The following GALNT17 variants were observed in gnomAD, a reference collection of about 807,000 sequenced individuals.
The protein encoded by GALNT17 is UDP-GalNAc:polypeptide N-acetylgalactosaminyltransferase-like 3.
Under a neutral mutation model 63.7 loss-of-function variants are expected in GALNT17, and 29 were observed. The ratio of observed to expected loss-of-function variants is 0.46; its 90% CI spans 0.34 to 0.62. The LOEUF (loss-of-function observed/expected upper bound fraction) is 0.62, where lower values mean the gene tolerates loss of function less well. Among genes scored for constraint, GALNT17 ranks in the 20% least tolerant of loss-of-function variants. The pLI is 0.01. For missense variants in GALNT17, 603 were observed against 799.6 expected (o/e 0.75, Z 2.97); for synonymous variants, 305 against 318.3 (o/e 0.96, Z 0.45).
chr7:71,660,691 C>G (rs1473396095), intron 6 of GALNT17, among the ~76,000 whole-genome samples: 5 of 152,246 alleles, frequency 3.3e-5, no homozygotes, highest in South Asian at 2.1e-4. Context: ...TGGAATATCA[C>G]TCCTTCCGGG....
rs1202642 is a variant in GALNT17 at position 71,236,439 on chromosome 7, G to A, written c.239-99111G>A. On this transcript the variant is annotated intron_variant, in intron 1 of 10. Coordinates refer to ENST00000333538, the MANE Select transcript of GALNT17 (RefSeq NM_022479.3). ...TGTCCTCACAGCCTCACTGTTGGAC[G>A]GGCCTAGTCTCCTGCTTAGGGCGTT... Among the ~76,000 whole-genome samples the A allele has an allele frequency of 6.9e-3, 1,045 of 152,280 alleles. 7 individuals carry two copies. Among genetic ancestry groups the A allele is most frequent in the African/African-American group, 0.023 (969 of 41,568 alleles).
At chr7:71,376,726 A>G (rs900371009) in intron 2 of GALNT17, among the ~76,000 whole-genome samples, 12 of 151,692 alleles carry the variant, frequency 7.9e-5, no homozygotes, top group African/African-American at 2.7e-4. Flanking sequence ...CCCAGGCAAG[A>G]GGATTGATTG....
intron 4 of GALNT17, 132 bp downstream of exon 4, chr7:71,416,195 G>A: frequency 9.1e-7 from 1 of 1,099,452 alleles, no homozygotes; most frequent in East Asian, 2.7e-5. Context: ...ACTCGTCAAA[G>A]AAGAAAGTGA....
chr7:71,207,325 T>C (rs76083666), intron 1 of GALNT17, among the ~76,000 whole-genome samples: 6,474 of 152,296 alleles, frequency 0.043, 151 homozygotes, highest in Middle Eastern at 0.071. Context: ...TCCTACCTTA[T>C]CTTTGGTTTT....
At chr7:71,679,152 T>G (rs1212065441) in intron 9 of GALNT17, among the ~76,000 whole-genome samples, 2 of 151,934 alleles carry the variant, frequency 1.3e-5, no homozygotes, top group Non-Finnish European at 2.9e-5. Flanking sequence ...AGCTACAGAA[T>G]CTAATGCAGG....
rs548981123 is a variant in GALNT17 at position 71,565,957 on chromosome 7, C to T, written c.963-5328C>T. On this transcript the variant is annotated intron_variant, in intron 5 of 10. Coordinates refer to ENST00000333538, the MANE Select transcript of GALNT17 (RefSeq NM_022479.3). ...CTCCTGGGTTCAAGCGATTCTCTTG[C>T]CTCAGCCTCCCGAGTAGCTAGGATT... 1.2e-3 allele frequency among the ~76,000 whole-genome samples: 186 copies of T among 151,626 alleles called. 1 individual carries two copies. The highest frequency in any genetic ancestry group is 2.3e-3 in the Non-Finnish European group (153 of 67,968).
chr7:71,265,742 G>C (rs1202436606), intron 1 of GALNT17, among the ~76,000 whole-genome samples: 1 of 152,188 alleles, frequency 6.6e-6, no homozygotes, highest in Non-Finnish European at 1.5e-5. Context: ...TCCATGGGTG[G>C]AGGCGTGGTG....
chr7:71,183,184 C>T (rs1050723549), intron 1 of GALNT17, among the ~76,000 whole-genome samples: 4 of 152,072 alleles, frequency 2.6e-5, no homozygotes, highest in Non-Finnish European at 4.4e-5. Flanking sequence ...CTTAAGTAAT[C>T]GAGCCTAGTG....
At chr7:71,198,285 A>G (rs753422601) in intron 1 of GALNT17, among the ~76,000 whole-genome samples, 2 of 151,824 alleles carry the variant, frequency 1.3e-5, no homozygotes, top group Admixed American at 6.6e-5. Flanking sequence ...AGTGGCCCCC[A>G]ACAAATGTTG....
intron 3 of GALNT17, among the ~76,000 whole-genome samples, chr7:71,408,622 G>C (rs551455306): frequency 1.5e-4 from 23 of 152,290 alleles, no homozygotes; most frequent in Middle Eastern, 6.8e-3. Flanking sequence ...CCAGAGCTTT[G>C]GGAGGCCAAA....
chr7:71,550,524 G>T (rs2116828570), intron 5 of GALNT17, among the ~76,000 whole-genome samples: 1 of 152,240 alleles, frequency 6.6e-6, no homozygotes, highest in Admixed American at 6.5e-5. Flanking sequence ...GGGACTACAG[G>T]CCTGTGCCAC....
intron 1 of GALNT17, 119 bp downstream of exon 1, chr7:71,133,159 G>T (rs571293672): frequency 2.9e-5 from 26 of 890,648 alleles, no homozygotes; most frequent in Non-Finnish European, 4.0e-5. Context: ...TGGCTCCCGC[G>T]CGCTCCTTCT....
chr7:71,162,313 C>T (rs1788363838), intron 1 of GALNT17, among the ~76,000 whole-genome samples: 1 of 151,502 alleles, frequency 6.6e-6, no homozygotes, highest in Admixed American at 6.6e-5. Context: ...TTTCCTTTGC[C>T]TTTATATATT....
intron 1 of GALNT17, among the ~76,000 whole-genome samples, chr7:71,180,464 A>G (rs531388921): frequency 6.6e-6 from 1 of 152,226 alleles, no homozygotes; most frequent in East Asian, 1.9e-4. Context: ...TCACGTGCAG[A>G]TGAATGGTGG....
In GALNT17 at chr7:71,567,088, CAT is replaced by C. The variant is rs1333953456; in HGVS notation, c.963-4195_963-4194del. Among the ~76,000 whole-genome samples the C allele has an allele frequency of 2.6e-5, 4 of 152,156 alleles. No individual in the cohort carries two copies. The East Asian group carries it at 7.7e-4, about 29-fold the overall frequency. The stretch of plus-strand genomic sequence containing the variant: ...ACCTAATTCCAAGCTTCAGAGGAAA[CAT>C]AATTTGTCCTGGCTTGGGATCAGTG... On this transcript the variant is annotated intron_variant, in intron 5 of 10. Transcript: ENST00000333538.
intron 5 of GALNT17, among the ~76,000 whole-genome samples, chr7:71,533,649 G>GT (rs1236569567): frequency 6.6e-6 from 1 of 152,192 alleles, no homozygotes; most frequent in Non-Finnish European, 1.5e-5. Flanking sequence ...GGTGCTATAG[G>GT]TTCGCTTTGC....
chr7:71,276,829 A>G (rs1790691212), intron 1 of GALNT17, among the ~76,000 whole-genome samples: 1 of 151,902 alleles, frequency 6.6e-6, no homozygotes, highest in African/African-American at 2.4e-5. Context: ...GAAACCCCCT[A>G]TCTACTAAAA....
chr7:71,367,614 C>T (rs1335325191), intron 2 of GALNT17, among the ~76,000 whole-genome samples: 2 of 152,204 alleles, frequency 1.3e-5, no homozygotes, highest in African/African-American at 4.8e-5. Context: ...ATTGAGAAAT[C>T]AGATCTAGTG....
intron 2 of GALNT17, among the ~76,000 whole-genome samples, chr7:71,380,538 T>A (rs541883266): frequency 6.6e-6 from 1 of 151,924 alleles, no homozygotes; most frequent in East Asian, 2.0e-4. Context: ...CCCAGGCTGG[T>A]CTCGAACTCC....
Sources: gnomAD v4.1 joint callset for allele counts (sites outside exome capture counted in the v4.1 genomes callset) on GRCh38, gnomAD v4.1.1 for gene constraint, MANE v1.5 for transcripts, NCBI Gene and HGNC (gene_info 2026-07-23, HGNC 2026-07-21) for gene names.